Variants in MTA3 observed in about 807,000 individuals in gnomAD.
MTA3 encodes the protein metastasis-associated protein MTA3.
In MTA3, 34 loss-of-function variants were observed where a neutral mutation model predicts 83.5. That is an observed-to-expected ratio of 0.41 (90% CI 0.31 to 0.54). The LOEUF (loss-of-function observed/expected upper bound fraction) is 0.54, where lower values mean the gene tolerates loss of function less well. MTA3 is among the 20% of genes least tolerant of loss of function. MTA3 has a pLI of 0.33. For synonymous variants in MTA3, 303 were observed against 252.7 expected (o/e 1.20, Z -1.89); for missense variants, 761 against 726.4 (o/e 1.05, Z -0.55).
At chr2:42,541,932 G>T (rs571361093) in intron 2 of MTA3, among the ~76,000 whole-genome samples, 3 of 152,240 alleles carry the variant, frequency 2.0e-5, no homozygotes, top group African/African-American at 7.2e-5. Context: ...CTCAGGCCAG[G>T]AATACTGAAC....
chr2:42,564,027 G>T (rs931083450), upstream of MTA3, among the ~76,000 whole-genome samples: 2 of 151,038 alleles, frequency 1.3e-5, no homozygotes, highest in African/African-American at 2.4e-5. Flanking sequence ...GTTTCACTAT[G>T]TTGGCCAGGC....
chr2:42,548,846 A>ATATATATATATATATATATATATATAAT (rs1553340715), intron 2 of MTA3, among the ~76,000 whole-genome samples: 1 of 15,056 alleles, frequency 6.6e-5, no homozygotes, highest in Non-Finnish European at 1.2e-4. Flanking sequence ...ATATATATAT[A>ATATATATATATATATATATATATATAAT]ATATATATAT....
intron 8 of MTA3, among the ~76,000 whole-genome samples, chr2:42,661,712 T>TA (rs1394916786): frequency 6.6e-6 from 1 of 152,076 alleles, no homozygotes; most frequent in African/African-American, 2.4e-5. Context: ...AGAATGTTCT[T>TA]ACTGTTTTGT....
At chr2:42,644,416 A>G (rs1003267784) in intron 6 of MTA3, among the ~76,000 whole-genome samples, 172 bp downstream of exon 6, 3 of 152,176 alleles carry the variant, frequency 2.0e-5, no homozygotes, top group Non-Finnish European at 4.4e-5. Context: ...AATAGAGATG[A>G]GGCCTCGCTA....
chr2:42,609,628 C>A, intron 4 of MTA3, 44 bp downstream of exon 4: 1 of 1,539,964 alleles, frequency 6.5e-7, no homozygotes, highest in South Asian at 1.3e-5. Context: ...CTACGGTGAC[C>A]AAAAAACAAA....
chr2:42,675,668 C>G (rs890955673), intron 8 of MTA3, among the ~76,000 whole-genome samples: 2 of 152,152 alleles, frequency 1.3e-5, no homozygotes, highest in Non-Finnish European at 2.9e-5. Context: ...TTTTTTCAAA[C>G]TTCTCTGGCA....
At chr2:42,698,264 T>G (rs1017509866) in intron 11 of MTA3, among the ~76,000 whole-genome samples, 5 of 152,230 alleles carry the variant, frequency 3.3e-5, no homozygotes, top group African/African-American at 1.2e-4. Context: ...TAGAACCATA[T>G]TTGGTAAATG....
chr2:42,639,257 A>G (rs943522358), intron 4 of MTA3, among the ~76,000 whole-genome samples: 1 of 151,398 alleles, frequency 6.6e-6, no homozygotes, highest in African/African-American at 2.4e-5. Flanking sequence ...TATATATGTG[A>G]TATATTTGTT....
intron 2 of MTA3, among the ~76,000 whole-genome samples, chr2:42,547,897 T>C (rs1171207618): frequency 1.3e-5 from 2 of 152,098 alleles, no homozygotes; most frequent in African/African-American, 4.8e-5. Flanking sequence ...TACTCCTAAA[T>C]TAGGTTTTCA....
At chr2:42,548,859 A>ATATAAT (rs1449124929) in intron 2 of MTA3, among the ~76,000 whole-genome samples, 1 of 22,016 alleles carries the variant, frequency 4.5e-5, no homozygotes, top group African/African-American at 4.4e-4. Flanking sequence ...ATATATATAT[A>ATATAAT]ATATATATAT....
At chr2:42,721,654 G>A (rs1048003924) in intron 15 of MTA3, among the ~76,000 whole-genome samples, 3 of 152,242 alleles carry the variant, frequency 2.0e-5, no homozygotes, top group Middle Eastern at 3.4e-3. Flanking sequence ...TCTAATGAGC[G>A]TTAGGGCAGC....
intron 6 of MTA3, among the ~76,000 whole-genome samples, chr2:42,644,855 CT>C (rs1688025777): frequency 6.6e-6 from 1 of 152,170 alleles, no homozygotes. Flanking sequence ...GAGTGCTCCA[CT>C]GACTGTCCCT....
intron 3 of MTA3, among the ~76,000 whole-genome samples, 156 bp downstream of exon 3, chr2:42,579,356 A>G (rs1420938179): frequency 6.6e-6 from 1 of 150,756 alleles, no homozygotes; most frequent in Non-Finnish European, 1.5e-5. Context: ...AACTGAAACC[A>G]AACACTGGTG....
intron 4 of MTA3, among the ~76,000 whole-genome samples, chr2:42,622,188 C>CG (rs1685634648): frequency 6.6e-6 from 1 of 152,172 alleles, no homozygotes; most frequent in African/African-American, 2.4e-5. Context: ...AGATCACTCG[C>CG]GGTTAGGAGC....
chr2:42,580,294 C>T (rs557491791), intron 3 of MTA3, among the ~76,000 whole-genome samples: 1 of 151,702 alleles, frequency 6.6e-6, no homozygotes, highest in South Asian at 2.1e-4. Context: ...TTTTTCCCCC[C>T]CTTCTTTTCA....
chr2:42,637,611 C>T (rs954915873), intron 4 of MTA3, among the ~76,000 whole-genome samples: 1 of 152,122 alleles, frequency 6.6e-6, no homozygotes, highest in African/African-American at 2.4e-5. Flanking sequence ...AATTCTGACT[C>T]AACCTCTTAG....
At chr2:42,613,832 C>G (rs1053294839) in intron 4 of MTA3, 1 of 152,190 alleles carries the variant, frequency 6.6e-6, no homozygotes, top group East Asian at 1.9e-4. Context: ...CAGGACTTTT[C>G]GGAGTAGAGT....
At chr2:42,625,744 C>T (rs1421031364) in intron 4 of MTA3, among the ~76,000 whole-genome samples, 1 of 125,944 alleles carries the variant, frequency 7.9e-6, no homozygotes, top group South Asian at 2.6e-4. Context: ...GAGACTCCAT[C>T]TCAAAAAAAA....
At chr2:42,508,193 G>C (rs976189331) in intron 2 of MTA3, among the ~76,000 whole-genome samples, 1 of 152,024 alleles carries the variant, frequency 6.6e-6, no homozygotes, top group Non-Finnish European at 1.5e-5. Flanking sequence ...CTTCCTCAGA[G>C]AGAAATCTTT....
Sources: gnomAD v4.1 joint callset for allele counts (sites outside exome capture counted in the v4.1 genomes callset) on GRCh38, gnomAD v4.1.1 for gene constraint, MANE v1.5 for transcripts, NCBI Gene and HGNC (gene_info 2026-07-23, HGNC 2026-07-21) for gene names.